The following IMMP2L variants were observed in gnomAD, a reference collection of about 807,000 sequenced individuals.
The protein encoded by IMMP2L is inner mitochondrial membrane peptidase subunit 2.
A neutral mutation model predicts 19.3 loss-of-function variants in IMMP2L; 18 were observed. The ratio of observed to expected loss-of-function variants is 0.93; its 90% CI spans 0.64 to 1.38. The LOEUF (loss-of-function observed/expected upper bound fraction) is 1.38, where lower values mean the gene tolerates loss of function less well. Among genes scored for constraint, IMMP2L ranks in the 40% most tolerant of loss-of-function variants. The pLI is 0.00. For synonymous variants in IMMP2L, 76 were observed against 73.0 expected, an observed-to-expected ratio of 1.04 and a Z score of -0.21; for missense variants, 233 against 218.2, an observed-to-expected ratio of 1.07 and a Z score of -0.43.
At chr7:111,295,599 C>A (rs1461822387) in intron 3 of IMMP2L, among the ~76,000 whole-genome samples, 3 of 151,778 alleles carry the variant, frequency 2.0e-5, no homozygotes, top group African/African-American at 7.2e-5. Flanking sequence ...AAGGAGAAAT[C>A]TTATTATACG....
At chr7:110,948,222 A>G (rs1249624101) in intron 4 of IMMP2L, among the ~76,000 whole-genome samples, 1 of 152,150 alleles carries the variant, frequency 6.6e-6, no homozygotes, top group African/African-American at 2.4e-5. Flanking sequence ...TTCTTTCAAT[A>G]AACATTTTCC....
intron 3 of IMMP2L, among the ~76,000 whole-genome samples, chr7:110,980,887 T>G (rs1193020033): frequency 1.3e-5 from 2 of 152,184 alleles, no homozygotes; most frequent in African/African-American, 4.8e-5. Flanking sequence ...TTAAACATGA[T>G]GAAAATAATC....
chr7:111,144,006 G>A (rs1803209153), intron 3 of IMMP2L, among the ~76,000 whole-genome samples: 1 of 152,074 alleles, frequency 6.6e-6, no homozygotes, highest in Admixed American at 6.6e-5. Context: ...CAGTGTCACA[G>A]ATACACTGCA....
chr7:111,091,305 A>G (rs1796838144), intron 3 of IMMP2L: 1 of 152,194 alleles, frequency 6.6e-6, no homozygotes, highest in Non-Finnish European at 1.5e-5. Context: ...CTTCCTTTAT[A>G]TTTTAAAATA....
intron 5 of IMMP2L, among the ~76,000 whole-genome samples, chr7:110,814,084 G>A (rs570990486): frequency 6.6e-6 from 1 of 151,894 alleles, no homozygotes; most frequent in Non-Finnish European, 1.5e-5. Context: ...GCAGGATTGG[G>A]CTCTCTCTGC....
intron 4 of IMMP2L, among the ~76,000 whole-genome samples, chr7:110,909,837 A>G (rs1812849844): frequency 6.6e-6 from 1 of 151,986 alleles, no homozygotes; most frequent in African/African-American, 2.4e-5. Flanking sequence ...CTCCAAGAGA[A>G]GGGAAGGGAT....
chr7:110,766,271 G>A (rs1562962979), intron 5 of IMMP2L, among the ~76,000 whole-genome samples: 1 of 152,050 alleles, frequency 6.6e-6, no homozygotes, highest in Non-Finnish European at 1.5e-5. Context: ...CTCCAATCTG[G>A]AAAGGCTTTA....
intron 3 of IMMP2L, among the ~76,000 whole-genome samples, chr7:111,361,905 AAT>A (rs1829294827): frequency 6.6e-6 from 1 of 152,148 alleles, no homozygotes; most frequent in Admixed American, 6.6e-5. Context: ...GCTCTAAAAC[AAT>A]AGTCTTCATT....
intron 3 of IMMP2L, among the ~76,000 whole-genome samples, chr7:111,422,960 C>G (rs1270285813): frequency 1.3e-5 from 2 of 151,774 alleles, no homozygotes; most frequent in Non-Finnish European, 2.9e-5. Flanking sequence ...GCCTTTTCTG[C>G]ATCTATTGAG....
intron 3 of IMMP2L, among the ~76,000 whole-genome samples, chr7:111,229,440 T>C (rs890328754): frequency 6.6e-6 from 1 of 152,132 alleles, no homozygotes; most frequent in South Asian, 2.1e-4. Context: ...ATCAAGGTAA[T>C]TGCTTTTCCT....
chr7:111,350,652 C>G (rs1230218919), intron 3 of IMMP2L, among the ~76,000 whole-genome samples: 2 of 151,992 alleles, frequency 1.3e-5, no homozygotes, highest in East Asian at 3.9e-4. Flanking sequence ...TCAGCTTGAC[C>G]TCACCATAGA....
chr7:111,559,924 G>A (rs773895228), intron 1 of IMMP2L, among the ~76,000 whole-genome samples: 1 of 152,026 alleles, frequency 6.6e-6, no homozygotes, highest in African/African-American at 2.4e-5. Context: ...ATGAAGTTGT[G>A]GGGTGGAGTG....
chr7:110,730,229 GACCCACCC>G (rs777653143), intron 5 of IMMP2L, among the ~76,000 whole-genome samples: 1 of 152,088 alleles, frequency 6.6e-6, no homozygotes, highest in Non-Finnish European at 1.5e-5. Context: ...GGGAGAAGAA[GACCCACCC>G]TCAATCTGGG....
chr7:111,080,752 A>G (rs214899), intron 3 of IMMP2L, among the ~76,000 whole-genome samples: 151,438 of 152,256 alleles, frequency 0.99, 75,316 homozygotes, highest in East Asian at 1. Context: ...TCCTCTTACT[A>G]AATGCTTACT....
chr7:111,167,956 C>T (rs1806016596), intron 3 of IMMP2L, among the ~76,000 whole-genome samples: 1 of 151,836 alleles, frequency 6.6e-6, no homozygotes, highest in Admixed American at 6.6e-5. Context: ...TGCCTACCAA[C>T]CTAGGTGTTG....
intron 3 of IMMP2L, among the ~76,000 whole-genome samples, chr7:111,156,108 G>A (rs186876161): frequency 6.6e-6 from 1 of 151,942 alleles, no homozygotes; most frequent in Non-Finnish European, 1.5e-5. Context: ...TTCTATTCTT[G>A]ACAGACATTT....
chr7:111,525,971 C>T lies in IMMP2L; in HGVS notation c.-2-4522G>A, dbSNP rs570099708. Among the ~76,000 whole-genome samples, 386 of 152,004 alleles carry T rather than the reference C, an allele frequency of 2.5e-3. 4 individuals are homozygous for T. The highest frequency in any genetic ancestry group is 4.1e-3 in the Non-Finnish European group (281 of 67,990). ...TCATCAGAAAATGATCAAGGAAGGCCTGCCCCACTCCACCCCCACCCCCAA... is the reference window on the plus strand; with the variant it reads ...TCATCAGAAAATGATCAAGGAAGGCTTGCCCCACTCCACCCCCACCCCCAA... On this transcript the variant is annotated intron_variant, in intron 1 of 5. Coordinates refer to ENST00000405709, the MANE Select transcript of IMMP2L (RefSeq NM_032549.4).
intron 5 of IMMP2L, among the ~76,000 whole-genome samples, chr7:110,855,892 TCTC>T (rs1370282471): frequency 3.3e-5 from 5 of 151,890 alleles, no homozygotes; most frequent in African/African-American, 4.8e-5. Context: ...TCTGGGTAAA[TCTC>T]CTTACAAATT....
chr7:111,013,724 A>G (rs973893538), intron 3 of IMMP2L, among the ~76,000 whole-genome samples: 2 of 152,324 alleles, frequency 1.3e-5, no homozygotes, highest in Non-Finnish European at 2.9e-5. Context: ...GATTCCCTGT[A>G]ACTTAGGCAA....
Sources: allele counts gnomAD v4.1 joint callset (sites outside exome capture counted in the v4.1 genomes callset), GRCh38; gene constraint gnomAD v4.1.1; transcripts MANE v1.5; gene names NCBI Gene and HGNC (gene_info 2026-07-23, HGNC 2026-07-21).